The following ENTPD7 variants were observed in gnomAD, a reference collection of about 807,000 sequenced individuals.
ENTPD7 encodes the protein ectonucleoside triphosphate diphosphohydrolase 7, also known as NTPDase 7.
In ENTPD7, 53 loss-of-function variants were observed where a neutral mutation model predicts 77.9. The ratio of observed to expected loss-of-function variants is 0.68; its 90% CI spans 0.55 to 0.85. ENTPD7 has a LOEUF of 0.85. Among genes scored for constraint, ENTPD7 ranks in the 40% least tolerant of loss-of-function variants. ENTPD7 has a pLI of 0.00. For synonymous variants in ENTPD7, 248 were observed against 274.9 expected (o/e 0.90, Z 0.97); for missense variants, 636 against 743.7 (o/e 0.86, Z 1.68).
At chr10:99,686,761 TC>T (rs2035816340) in intron 6 of ENTPD7, among the ~76,000 whole-genome samples, 1 of 152,000 alleles carries the variant, frequency 6.6e-6, no homozygotes, top group Non-Finnish European at 1.5e-5. Flanking sequence ...TTTTCCTGGT[TC>T]TTTGTATGCC....
chr10:99,701,408 C>CAA, intron 11 of ENTPD7, among the ~76,000 whole-genome samples: 1 of 151,814 alleles, frequency 6.6e-6, no homozygotes, highest in Non-Finnish European at 1.5e-5. Flanking sequence ...CTGCCTCAGC[C>CAA]CCCCAAGTAG....
intron 3 of ENTPD7, among the ~76,000 whole-genome samples, chr10:99,668,782 G>T (rs138008363): frequency 6.6e-6 from 1 of 151,992 alleles, no homozygotes; most frequent in East Asian, 1.9e-4. Flanking sequence ...TAATTTAACA[G>T]CTTAAAAAAG....
chr10:99,699,751 A>G (rs542410277), intron 10 of ENTPD7, among the ~76,000 whole-genome samples: 1 of 152,166 alleles, frequency 6.6e-6, no homozygotes, highest in South Asian at 2.1e-4. Flanking sequence ...TTTTTAATAG[A>G]GATGGGGTTT....
At chr10:99,702,349 A>G (rs985995039) in intron 11 of ENTPD7, among the ~76,000 whole-genome samples, 163 bp from the exon 12 acceptor site, 33 of 152,368 alleles carry the variant, frequency 2.2e-4, no homozygotes, top group Admixed American at 3.9e-4. Context: ...TAAACACAAG[A>G]TAAGTAGGCT....
chr10:99,702,717 A>G (rs1029205924), intron 12 of ENTPD7, 44 bp downstream of exon 12: 2 of 1,528,760 alleles, frequency 1.3e-6, no homozygotes, highest in South Asian at 1.3e-5. Flanking sequence ...CTCAGAGGAT[A>G]TCAGTTGATG....
Position 99,709,517 on chromosome 10 carries a change from A to C in ENTPD7, c.*4834A>C. The C allele has an allele frequency of 1.0e-6, 1 of 983,506 alleles. No individual in the cohort carries two copies. The allele number at this position is 983,506 out of a possible 1,614,324, so 60.9% of individuals were successfully genotyped here. The stretch of plus-strand genomic sequence containing the variant: ...GACTCAAAACCAAAAGTTGTGATTA[A>C]TAATAACAGGATTATTAGTCAATAA... On this transcript the variant is annotated 3_prime_UTR_variant, in exon 13 of 13. Coordinates refer to ENST00000370489, the MANE Select transcript of ENTPD7 (RefSeq NM_020354.5).
intron 7 of ENTPD7, among the ~76,000 whole-genome samples, chr10:99,690,622 A>C (rs1190075374): frequency 6.6e-6 from 1 of 150,728 alleles, no homozygotes; most frequent in African/African-American, 2.4e-5. Flanking sequence ...GGCTCACTAC[A>C]ACCTCCGCCT....
chr10:99,709,290 A>C lies in ENTPD7; in HGVS notation c.*4607A>C. 1.0e-6 allele frequency: 1 copy of C among 985,394 alleles called. No homozygotes were observed. The highest frequency in any genetic ancestry group is 1.2e-6 in the Non-Finnish European group (1 of 829,908). 61.0% of individuals were successfully genotyped at this position (985,394 alleles called of 1,614,324 possible). A position where few individuals can be genotyped will look rare whatever the true frequency, so the allele number is the denominator to read the frequency against. On this transcript the variant is annotated 3_prime_UTR_variant, in exon 13 of 13. Transcript: ENST00000370489. ...GTCTTTAAACTTTTCAAATTAATTC[A>C]AAACTAGTATCTAATTGTCCTTTTT...
chr10:99,702,399 C>G (rs1287214705), intron 11 of ENTPD7, 113 bp from the exon 12 acceptor site: 1 of 851,462 alleles, frequency 1.2e-6, no homozygotes, highest in Non-Finnish European at 1.7e-6. Flanking sequence ...GAAGGTGAAG[C>G]GGGAGGAGGT....
Position 99,698,741 on chromosome 10 carries a change from G to A in ENTPD7, c.1218G>A (p.Ser406=), listed in dbSNP as rs149136007. 41 of 1,614,064 alleles carry A rather than the reference G, an allele frequency of 2.5e-5. No individual in the cohort carries two copies. The highest frequency in any genetic ancestry group is 1.6e-4 in the Middle Eastern group (1 of 6,084). ...CCTCACTCAATGGCATATATCAATC[G>A]CCTATTGACTTCAACAACAGCGAGT... is the stretch of plus-strand genomic sequence containing the variant. ...SQASLNGIYQ[S]PIDFNNSEFY... The change falls in exon 10 of 13, where the codon TCG becomes TCA. Residue 406 remains serine, a synonymous_variant. Coordinates refer to ENST00000370489, the MANE Select transcript of ENTPD7 (RefSeq NM_020354.5).
intron 3 of ENTPD7, among the ~76,000 whole-genome samples, chr10:99,669,540 C>CA (rs1218923607): frequency 1.3e-5 from 2 of 151,374 alleles, no homozygotes; most frequent in South Asian, 4.2e-4. Context: ...TTATTTGATA[C>CA]AAAAAAAGTA....
Position 99,706,633 on chromosome 10 carries a change from C to T in ENTPD7, c.*1950C>T, listed in dbSNP as rs1251962131. Among the ~76,000 whole-genome samples the T allele has an allele frequency of 6.6e-6, 1 of 152,130 alleles. No homozygotes were observed. The highest frequency in any genetic ancestry group is 2.4e-5 in the African/African-American group (1 of 41,422). ...TACAAGCATGAGCTACTGCACCTGCCCTCTGTTTCCTTTGGAAATCTCTTA... is the reference window on the plus strand; with the variant it reads ...TACAAGCATGAGCTACTGCACCTGCTCTCTGTTTCCTTTGGAAATCTCTTA... On this transcript the variant is annotated 3_prime_UTR_variant, in exon 13 of 13. Transcript: ENST00000370489.
intron 2 of ENTPD7, among the ~76,000 whole-genome samples, chr10:99,660,958 T>C (rs4919378): frequency 0.23 from 35,580 of 151,928 alleles, 4,291 homozygotes; most frequent in South Asian, 0.3. Flanking sequence ...TGGGTAGTAA[T>C]GTTTGCCTCT....
intron 3 of ENTPD7, among the ~76,000 whole-genome samples, chr10:99,669,943 G>T (rs935055846): frequency 2.6e-5 from 4 of 151,640 alleles, no homozygotes; most frequent in Non-Finnish European, 5.9e-5. Flanking sequence ...TAGAGACGGG[G>T]TTTCACCGTG....
chr10:99,709,441 C>T lies in ENTPD7; in HGVS notation c.*4758C>T, dbSNP rs2036315964. 5.1e-6 allele frequency: 5 copies of T among 985,378 alleles called. No individual in the cohort carries two copies. The highest frequency in any genetic ancestry group is 1.1e-4 in the East Asian group (1 of 8,822). 61.0% of individuals were successfully genotyped at this position (985,378 alleles called of 1,614,324 possible). A position where few individuals can be genotyped will look rare whatever the true frequency, so the allele number is the denominator to read the frequency against. On this transcript the variant is annotated 3_prime_UTR_variant, in exon 13 of 13. Coordinates refer to ENST00000370489, the MANE Select transcript of ENTPD7 (RefSeq NM_020354.5). ...CAGATTCCAGCCCCTGGGGCAATAACTTGTGAGGATTTTCCTGGTGTTACA... is the reference window on the plus strand; with the variant it reads ...CAGATTCCAGCCCCTGGGGCAATAATTTGTGAGGATTTTCCTGGTGTTACA...
intron 12 of ENTPD7, 64 bp downstream of exon 12, chr10:99,702,737 C>T (rs1369412905): frequency 3.5e-6 from 5 of 1,414,540 alleles, no homozygotes; most frequent in East Asian, 2.6e-5. Context: ...GCCTCAGAAT[C>T]GGTTTCTTTC....
In ENTPD7 at chr10:99,707,722, G is replaced by T. The variant is rs1369819265; in HGVS notation, c.*3039G>T. 6.6e-6 allele frequency among the ~76,000 whole-genome samples: 1 copy of T among 152,198 alleles called. No homozygotes were observed. The highest frequency in any genetic ancestry group is 1.5e-5 in the Non-Finnish European group (1 of 68,036). On this transcript the variant is annotated 3_prime_UTR_variant, in exon 13 of 13. Transcript: ENST00000370489. ...GCTTGTAGTGATGCTTTTTAGTCTT[G>T]TGATAGCACAATCCATCACTTTCCC...
At chr10:99,671,410 GT>G (rs576267281) in intron 3 of ENTPD7, among the ~76,000 whole-genome samples, 24 of 150,604 alleles carry the variant, frequency 1.6e-4, no homozygotes, top group African/African-American at 5.6e-4. Flanking sequence ...AAAACTTAAA[GT>G]TTTTTTTCCT....
At position 99,704,996 on chromosome 10, in the gene ENTPD7, C is replaced by T. The variant is rs1425119205; in HGVS notation, c.*313C>T. The T allele has an allele frequency of 6.2e-6, 2 of 322,610 alleles. No individual in the cohort carries two copies. The allele number at this position is 322,610 out of a possible 1,614,324, so 20.0% of individuals were successfully genotyped here. ...TGTTCCTAGAATCTCACCTTTTCTT[C>T]CCTTGCTAAAGCATGAAGTTTGGCA... On this transcript the variant is annotated 3_prime_UTR_variant, in exon 13 of 13. Coordinates refer to ENST00000370489, the MANE Select transcript of ENTPD7 (RefSeq NM_020354.5).
Sources: gnomAD v4.1 joint callset for allele counts (sites outside exome capture counted in the v4.1 genomes callset) on GRCh38, gnomAD v4.1.1 for gene constraint, MANE v1.5 for transcripts, NCBI Gene and HGNC (gene_info 2026-07-23, HGNC 2026-07-21) for gene names.